DEFB116: variants seen among roughly 807,000 people sequenced by gnomAD.
DEFB116 encodes beta-defensin 116.
In DEFB116, 5 loss-of-function variants were observed where a neutral mutation model predicts 2.8. The observed-to-expected ratio is 1.80, with a 90% CI of 0.94 to 3.79. The LOEUF is 3.79. DEFB116 is among the 30% of genes most tolerant of loss of function. The pLI is 0.00. For synonymous variants in DEFB116, 56 were observed against 40.8 expected (o/e 1.37, Z -1.42); for missense variants, 170 against 118.0 (o/e 1.44, Z -2.04).
chr20:31,304,364 A>G (rs898124278), intron 1 of DEFB116, among the ~76,000 whole-genome samples: 1 of 152,212 alleles, frequency 6.6e-6, no homozygotes, highest in South Asian at 2.1e-4. Context: ...AATATTAACA[A>G]TCACTACCAT....
chr20:31,308,482 G>A (rs762056119), intron 1 of DEFB116, 37 bp downstream of exon 1: 4 of 1,608,612 alleles, frequency 2.5e-6, no homozygotes, highest in Non-Finnish European at 3.4e-6. Context: ...AGTACCACAT[G>A]CAAGACGCCA....
In DEFB116 at chr20:31,303,307, A is replaced by C. The variant is rs1198254118; in HGVS notation, c.214T>G (p.Ser72Ala). ...PNDQKCCLKL[S>A]VKITSSKNVK... ...TTTTTAGAACTGGTTATTTTCACAG[A>C]AAGTTTCAGGCAGCACTTTTGATCA... Residue 72 changes from serine to alanine, a missense_variant, in exon 2 of 2, where the codon TCT becomes GCT. Ser to Ala is a moderately conservative substitution (Grantham distance 99). Transcript: ENST00000400549. 6.2e-7 allele frequency: 1 copy of C among 1,613,468 alleles called. No individual in the cohort carries two copies. The highest frequency in any genetic ancestry group is 1.3e-5 in the African/African-American group (1 of 74,874).
At chr20:31,306,907 T>G (rs1985002534) in intron 1 of DEFB116, among the ~76,000 whole-genome samples, 1 of 152,168 alleles carries the variant, frequency 6.6e-6, no homozygotes, top group Non-Finnish European at 1.5e-5. Flanking sequence ...TCACATCTAT[T>G]GTTCTTCAGT....
chr20:31,306,051 TC>T (rs1984985134), intron 1 of DEFB116, among the ~76,000 whole-genome samples: 1 of 151,984 alleles, frequency 6.6e-6, no homozygotes, highest in Non-Finnish European at 1.5e-5. Flanking sequence ...CTGTCTTAAG[TC>T]AAAAAACAAA....
intron 1 of DEFB116, among the ~76,000 whole-genome samples, chr20:31,304,612 T>TGATA (rs1984951660): frequency 1.3e-5 from 2 of 152,062 alleles, no homozygotes; most frequent in African/African-American, 4.8e-5. Flanking sequence ...TGCCTCTCTG[T>TGATA]GATAGGCACA....
At chr20:31,308,440 G>A in intron 1 of DEFB116, 79 bp downstream of exon 1, 2 of 1,416,652 alleles carry the variant, frequency 1.4e-6, no homozygotes, top group African/African-American at 2.8e-5. Context: ...CTATATGTGA[G>A]TAGGAGTCAC....
intron 1 of DEFB116, 104 bp downstream of exon 1, chr20:31,308,415 T>C (rs902584911): frequency 1.8e-6 from 2 of 1,115,858 alleles, no homozygotes; most frequent in Non-Finnish European, 2.7e-6. Flanking sequence ...CAGAAAAGGC[T>C]TTAGGTGTTG....
At chr20:31,307,585 A>C (rs1985020409) in intron 1 of DEFB116, among the ~76,000 whole-genome samples, 1 of 152,138 alleles carries the variant, frequency 6.6e-6, no homozygotes, top group Non-Finnish European at 1.5e-5. Context: ...CAATCTAGAA[A>C]GTTTCTGCAC....
In DEFB116 at chr20:31,303,455, T is replaced by C. The variant is rs753711329; in HGVS notation, c.68-2A>G. The C allele has an allele frequency of 1.2e-6, 2 of 1,612,962 alleles. No homozygotes were observed. Among genetic ancestry groups the C allele is most frequent in the Non-Finnish European group, 8.5e-7 (1 of 1,179,390 alleles). On this transcript the variant is annotated splice_acceptor_variant, in intron 1 of 1. Transcript: ENST00000400549. LOFTEE classifies it high-confidence loss of function. ...CATTGTGGGATCTGAACAGGCCACC[T>C]GGGAAAGACATGGCCATGTTTAGTT...
chr20:31,305,254 C>T (rs1450557760), intron 1 of DEFB116, among the ~76,000 whole-genome samples: 1 of 152,006 alleles, frequency 6.6e-6, no homozygotes, highest in South Asian at 2.1e-4. Flanking sequence ...TTGCAAAGGG[C>T]CTCCCCCAAG....
Position 31,308,530 on chromosome 20 carries a change from T to C in DEFB116, c.56A>G (p.Gln19Arg). The change falls in exon 1 of 2, where the codon CAA becomes CGA. Residue 19 changes from glutamine to arginine, a missense_variant. By Grantham distance (43) the Gln-to-Arg change is conservative. Transcript: ENST00000400549. The stretch of plus-strand genomic sequence containing the variant: ...GAGGCCTGAGTTACCTGGAGTCTTT[T>C]GAGCCAGGATCATAAGGATGGCAAT... ...MTIAILMILA[Q>R]KTPGGLFRSH... is the part of the protein sequence containing the mutation. 1 of 1,613,470 alleles carries C rather than the reference T, an allele frequency of 6.2e-7. No homozygotes were observed. Among genetic ancestry groups the C allele is most frequent in the African/African-American group, 1.3e-5 (1 of 74,922 alleles).
intron 1 of DEFB116, 50 bp from the exon 2 acceptor site, chr20:31,303,503 G>C: frequency 6.3e-7 from 1 of 1,598,860 alleles, no homozygotes; most frequent in Non-Finnish European, 8.5e-7. Flanking sequence ...TGATAATAGG[G>C]TGATGAAGCA....
At position 31,303,306 on chromosome 20, in the gene DEFB116, G is replaced by A. The variant is rs1984924243; in HGVS notation, c.215C>T (p.Ser72Phe). The A allele has an allele frequency of 6.2e-7, 1 of 1,613,604 alleles. No homozygotes were observed. Among genetic ancestry groups the A allele is most frequent in the Middle Eastern group, 1.7e-4 (1 of 6,058 alleles). ...PNDQKCCLKL[S>F]VKITSSKNVK... Reference sequence around the variant, plus strand: ...ATTTTTAGAACTGGTTATTTTCACAGAAAGTTTCAGGCAGCACTTTTGATC... The same window carrying A: ...ATTTTTAGAACTGGTTATTTTCACAAAAAGTTTCAGGCAGCACTTTTGATC... The change falls in exon 2 of 2, where the codon TCT (serine) becomes TTT (phenylalanine). Residue 72 changes from serine (S) to phenylalanine (F), a missense_variant. Coordinates refer to ENST00000400549, the MANE Select transcript of DEFB116 (RefSeq NM_001037731.1).
At chr20:31,304,970 A>C (rs1364522761) in intron 1 of DEFB116, among the ~76,000 whole-genome samples, 3 of 152,136 alleles carry the variant, frequency 2.0e-5, no homozygotes, top group African/African-American at 7.2e-5. Flanking sequence ...AAGAGAAATA[A>C]AGAAGAGGGA....
chr20:31,306,903 C>G (rs887464587), intron 1 of DEFB116, among the ~76,000 whole-genome samples: 1 of 152,134 alleles, frequency 6.6e-6, no homozygotes, highest in Admixed American at 6.6e-5. Context: ...ACAGTCACAT[C>G]TATTGTTCTT....
At chr20:31,308,390 T>G (rs575663310) in intron 1 of DEFB116, 129 bp downstream of exon 1, 7 of 813,664 alleles carry the variant, frequency 8.6e-6, no homozygotes, top group Middle Eastern at 2.4e-4. Flanking sequence ...ATAACATCTG[T>G]GACCCACCTG....
chr20:31,305,298 T>C (rs1210062348), intron 1 of DEFB116, among the ~76,000 whole-genome samples: 2 of 151,992 alleles, frequency 1.3e-5, no homozygotes, highest in Non-Finnish European at 2.9e-5. Flanking sequence ...ACACCTGACC[T>C]CTAGGACTTT....
At chr20:31,307,816 A>G (rs1198041301) in intron 1 of DEFB116, among the ~76,000 whole-genome samples, 1 of 151,990 alleles carries the variant, frequency 6.6e-6, no homozygotes, top group East Asian at 1.9e-4. Flanking sequence ...TGAATAAGAT[A>G]CCCACTTTAG....
At chr20:31,308,475 A>G in intron 1 of DEFB116, 44 bp downstream of exon 1, 1 of 1,600,430 alleles carries the variant, frequency 6.2e-7, no homozygotes, top group Non-Finnish European at 8.6e-7. Context: ...AGATACCAGT[A>G]CCACATGCAA....
Sources: allele counts gnomAD v4.1 joint callset (sites outside exome capture counted in the v4.1 genomes callset), GRCh38; gene constraint gnomAD v4.1.1; transcripts MANE v1.5; gene names NCBI Gene and HGNC (gene_info 2026-07-23, HGNC 2026-07-21).